Variants in LMX1A observed in about 807,000 individuals in gnomAD.
LMX1A encodes LIM homeobox transcription factor 1 alpha, also known as LIM homeobox transcription factor 1-alpha.
Under a neutral mutation model 49.1 loss-of-function variants are expected in LMX1A, and 15 were observed. The observed-to-expected ratio is 0.31, with a 90% CI of 0.20 to 0.47. The LOEUF is 0.47. LMX1A is among the 20% of genes least tolerant of loss of function. LMX1A has a pLI of 1.00. For missense variants in LMX1A, 372 were observed against 475.8 expected (o/e 0.78, Z 2.03); for synonymous variants, 167 against 185.7 (o/e 0.90, Z 0.82).
chr1:165,351,167 A>ATT (rs5778446), intron 3 of LMX1A, among the ~76,000 whole-genome samples: 1,610 of 150,046 alleles, frequency 0.011, 26 homozygotes, highest in African/African-American at 0.036. Flanking sequence ...TTGATTCGTG[A>ATT]TTTTTTTTTT....
chr1:165,253,131 C>T (rs10918143), intron 3 of LMX1A, among the ~76,000 whole-genome samples: 35,383 of 152,050 alleles, frequency 0.23, 4,794 homozygotes, highest in East Asian at 0.56. Flanking sequence ...GGATACAAGA[C>T]AGACAAATCC....
intron 4 of LMX1A, among the ~76,000 whole-genome samples, chr1:165,243,163 C>T (rs573099133): frequency 6.6e-6 from 1 of 152,112 alleles, no homozygotes; most frequent in Non-Finnish European, 1.5e-5. Flanking sequence ...TATATGGAAA[C>T]TTCTGTCCTA....
intron 3 of LMX1A, among the ~76,000 whole-genome samples, chr1:165,288,904 C>T (rs1654375137): frequency 2.6e-5 from 4 of 152,156 alleles, no homozygotes; most frequent in South Asian, 2.1e-4. Flanking sequence ...ATAGAGGAAG[C>T]GATCTCCTCC....
chr1:165,296,482 C>G (rs1654625651), intron 3 of LMX1A, among the ~76,000 whole-genome samples: 1 of 152,258 alleles, frequency 6.6e-6, no homozygotes, highest in African/African-American at 2.4e-5. Context: ...TTGCATGTGG[C>G]TCAGTGGAGA....
intron 3 of LMX1A, among the ~76,000 whole-genome samples, chr1:165,327,746 A>C (rs1655630122): frequency 6.6e-6 from 1 of 152,246 alleles, no homozygotes; most frequent in Admixed American, 6.5e-5. Context: ...GGACTCCCAC[A>C]CTGCTCACAG....
chr1:165,320,872 G>A (rs4147086), intron 3 of LMX1A, among the ~76,000 whole-genome samples: 132,910 of 152,162 alleles, frequency 0.87, 58,519 homozygotes, highest in East Asian at 0.94. Flanking sequence ...AAGGTAGAAA[G>A]CAATGACAAA....
intron 3 of LMX1A, among the ~76,000 whole-genome samples, chr1:165,346,303 C>A (rs1167212869): frequency 6.6e-6 from 1 of 152,100 alleles, no homozygotes; most frequent in Non-Finnish European, 1.5e-5. Flanking sequence ...TGCTGTTATC[C>A]AAAAATAGGA....
chr1:165,249,012 T>C (rs1340561991), intron 4 of LMX1A, among the ~76,000 whole-genome samples: 2 of 152,166 alleles, frequency 1.3e-5, no homozygotes, highest in African/African-American at 4.8e-5. Context: ...TCCCCAAACC[T>C]GGATCCTGGA....
At chr1:165,247,054 C>CTTTTTTTTTCTTTTTTTTTTTTT (rs1652876638) in intron 4 of LMX1A, among the ~76,000 whole-genome samples, 28 of 53,228 alleles carry the variant, frequency 5.3e-4, no homozygotes, top group African/African-American at 2.0e-3. Flanking sequence ...TCAGCTTTTT[C>CTTTTTTTTTCTTTTTTTTTTTTT]TTTTTTTTTT....
At chr1:165,314,605 A>G (rs960865620) in intron 3 of LMX1A, among the ~76,000 whole-genome samples, 1 of 151,458 alleles carries the variant, frequency 6.6e-6, no homozygotes, top group Admixed American at 6.6e-5. Flanking sequence ...ATTTCTTCCA[A>G]TATCTTTTTT....
At chr1:165,283,259 G>A (rs1654204959) in intron 3 of LMX1A, among the ~76,000 whole-genome samples, 1 of 152,212 alleles carries the variant, frequency 6.6e-6, no homozygotes, top group South Asian at 2.1e-4. Context: ...TAACATAGAA[G>A]CAATAGGTTC....
chr1:165,245,908 G>C (rs1190154139), intron 4 of LMX1A, among the ~76,000 whole-genome samples: 1 of 151,832 alleles, frequency 6.6e-6, no homozygotes, highest in African/African-American at 2.4e-5. Flanking sequence ...TGCCAGGTTT[G>C]TGTCATCTGT....
At chr1:165,325,699 C>A (rs1655557400) in intron 3 of LMX1A, among the ~76,000 whole-genome samples, 1 of 152,106 alleles carries the variant, frequency 6.6e-6, no homozygotes, top group African/African-American at 2.4e-5. Context: ...GCCCCTCTTT[C>A]TCTTTGAGAG....
chr1:165,256,618 T>C (rs566947061), intron 3 of LMX1A, among the ~76,000 whole-genome samples: 1 of 152,360 alleles, frequency 6.6e-6, no homozygotes, highest in Non-Finnish European at 1.5e-5. Context: ...ATGATATCTA[T>C]TCTATTAATA....
intron 3 of LMX1A, among the ~76,000 whole-genome samples, chr1:165,319,698 A>C (rs1655325527): frequency 6.6e-6 from 1 of 152,186 alleles, no homozygotes; most frequent in African/African-American, 2.4e-5. Flanking sequence ...TACACATCAT[A>C]TAAATAGGCA....
chr1:165,319,043 C>CACACA (rs1557883336), intron 3 of LMX1A, among the ~76,000 whole-genome samples: 11 of 137,996 alleles, frequency 8.0e-5, no homozygotes, highest in African/African-American at 3.0e-4. Flanking sequence ...ACACACACAC[C>CACACA]CCAACTTCTT....
At chr1:165,226,164 A>G (rs769732981) in intron 4 of LMX1A, among the ~76,000 whole-genome samples, 57 of 152,214 alleles carry the variant, frequency 3.7e-4, no homozygotes, top group Non-Finnish European at 6.8e-4. Flanking sequence ...ACCACCAAGC[A>G]CAAGGCCAAG....
At chr1:165,277,124 T>C (rs1228392697) in intron 3 of LMX1A, among the ~76,000 whole-genome samples, 1 of 152,168 alleles carries the variant, frequency 6.6e-6, no homozygotes, top group African/African-American at 2.4e-5. Context: ...ACAGGAATGG[T>C]GAGTGCCTGA....
intron 3 of LMX1A, among the ~76,000 whole-genome samples, chr1:165,330,932 G>T (rs540947916): frequency 1.3e-5 from 2 of 152,292 alleles, no homozygotes; most frequent in South Asian, 4.1e-4. Flanking sequence ...ATTGAACTGA[G>T]ATTCCCTGTA....
Sources: allele counts gnomAD v4.1 joint callset (sites outside exome capture counted in the v4.1 genomes callset), GRCh38; gene constraint gnomAD v4.1.1; transcripts MANE v1.5; gene names NCBI Gene and HGNC (gene_info 2026-07-23, HGNC 2026-07-21).